The following PRRG2 variants were observed in gnomAD, a reference collection of about 807,000 sequenced individuals.
PRRG2 encodes proline rich and Gla domain 2.
A neutral mutation model predicts 27.1 loss-of-function variants in PRRG2; 23 were observed. The observed-to-expected ratio is 0.85, with a 90% CI of 0.61 to 1.20. PRRG2 has a LOEUF of 1.20. Ranked by LOEUF, PRRG2 falls within the 50% of genes most tolerant of loss-of-function variation. The pLI is 0.00. For synonymous variants in PRRG2, 104 were observed against 103.4 expected, an observed-to-expected ratio of 1.01 and a Z score of -0.03; for missense variants, 276 against 254.8, an observed-to-expected ratio of 1.08 and a Z score of -0.57.
intron 6 of PRRG2, 53 bp from the exon 7 acceptor site, chr19:49,590,315 AGGG>A: frequency 6.2e-7 from 1 of 1,612,874 alleles, no homozygotes; most frequent in Non-Finnish European, 8.5e-7. Flanking sequence ...TCCTGGTTGA[AGGG>A]GGGAGAAAAA....
At chr19:49,590,124 A>G in intron 6 of PRRG2, 72 bp downstream of exon 6, 2 of 1,379,472 alleles carry the variant, frequency 1.4e-6, no homozygotes, top group South Asian at 1.5e-5. Flanking sequence ...ACCTGGGCTC[A>G]GGGGCGGGAC....
intron 5 of PRRG2, among the ~76,000 whole-genome samples, chr19:49,589,220 C>T (rs1349857491): frequency 6.6e-6 from 1 of 150,392 alleles, no homozygotes; most frequent in African/African-American, 2.5e-5. Flanking sequence ...CTCTGCCTCC[C>T]GGGTTCAAGT....
At chr19:49,586,113 A>ATT (rs1023410345) in intron 4 of PRRG2, among the ~76,000 whole-genome samples, 1 of 147,614 alleles carries the variant, frequency 6.8e-6, no homozygotes, top group African/African-American at 2.5e-5. Flanking sequence ...AAATGGGGTC[A>ATT]TTTTGTCACC....
At chr19:49,584,030 C>A in intron 4 of PRRG2, 78 bp downstream of exon 4, 3 of 1,416,050 alleles carry the variant, frequency 2.1e-6, no homozygotes. Context: ...CAACGTCCTC[C>A]ACCCCAAATT....
chr19:49,581,660 T>C (rs1431379362), intron 1 of PRRG2, among the ~76,000 whole-genome samples, 179 bp downstream of exon 1: 3 of 152,174 alleles, frequency 2.0e-5, no homozygotes, highest in African/African-American at 7.2e-5. Context: ...CTCGTAATCT[T>C]TGTTGTCTGT....
At chr19:49,589,427 T>C (rs1018817934) in intron 5 of PRRG2, among the ~76,000 whole-genome samples, 5 of 63,490 alleles carry the variant, frequency 7.9e-5, no homozygotes, top group African/African-American at 3.9e-4. Flanking sequence ...CGCCTGGCCC[T>C]TTTTTTTTTT....
At chr19:49,584,513 G>T in intron 4 of PRRG2, among the ~76,000 whole-genome samples, 1 of 152,136 alleles carries the variant, frequency 6.6e-6, no homozygotes. Context: ...GTGTCACCCA[G>T]GCTGGAGTGC....
intron 4 of PRRG2, among the ~76,000 whole-genome samples, chr19:49,587,479 ATTTTT>A (rs1258876937): frequency 8.7e-6 from 1 of 114,652 alleles, no homozygotes; most frequent in African/African-American, 3.7e-5. Context: ...AGCCTGGTTA[ATTTTT>A]TTTTTTTTTT....
chr19:49,590,157 TGGGGCGGGGCTTGGAGTGCG>T (rs2080706780), intron 6 of PRRG2, 105 bp downstream of exon 6: 11 of 1,281,120 alleles, frequency 8.6e-6, no homozygotes, highest in African/African-American at 1.6e-5. Flanking sequence ...CCTTCTTACC[TGGGGCGGGGCTTGGAGTGCG>T]GGGGCGGGGC....
rs527450705 is a variant in PRRG2, at chr19:49,590,058, G to A, written c.590+6G>A. The A allele has an allele frequency of 2.6e-5, 39 of 1,495,314 alleles. No individual in the cohort carries two copies. Among genetic ancestry groups the A allele is most frequent in the Middle Eastern group, 2.4e-4 (1 of 4,124 alleles). The allele number at this position is 1,495,314 out of a possible 1,614,324, so 92.6% of individuals were successfully genotyped here. A position where few individuals can be genotyped will look rare whatever the true frequency, so the allele number is the denominator to read the frequency against. On this transcript the variant is annotated splice_donor_region_variant and intron_variant, in intron 6 of 6. Transcript: ENST00000246794. ...CCTCCACCCCCCTACACCAGGTATG[G>A]GGCGTGGCTTCTGCCCGGGGGCGGG...
chr19:49,590,259 C>G, intron 6 of PRRG2, 112 bp from the exon 7 acceptor site: 1 of 1,538,214 alleles, frequency 6.5e-7, no homozygotes, highest in South Asian at 1.1e-5. Context: ...GGGCCTGTGC[C>G]CAGAGGGTCC....
chr19:49,588,497 G>A lies in PRRG2; in HGVS notation c.302G>A (p.Gly101Glu). The A allele has an allele frequency of 6.3e-7, 1 of 1,591,454 alleles. No individual in the cohort carries two copies. The change falls in exon 5 of 7, where the codon GGG (glycine) becomes GAG (glutamate). Residue 101 changes from glycine (G) to glutamate (E), a missense_variant and splice_region_variant. Coordinates refer to ENST00000246794, the MANE Select transcript of PRRG2 (RefSeq NM_000951.3). Reference protein sequence around the residue: ...WESYIYNGKGGRGRVDVASLA... With the variant: ...WESYIYNGKGERGRVDVASLA... Reference sequence around the variant, plus strand: ...TCTCCCCTTCCCTACTTTCCTGCAGGGCGTGGACGAGTGGATGTGGCCAGC... The same window carrying A: ...TCTCCCCTTCCCTACTTTCCTGCAGAGCGTGGACGAGTGGATGTGGCCAGC...
In PRRG2 at chr19:49,588,558, T is replaced by C. The variant is rs2080689532; in HGVS notation, c.363T>C (p.Ile121=). ...AVGLTGGILL[I]VLAGLGAFWY... Reference sequence around the variant, plus strand: ...GGCTGACAGGTGGCATCCTGCTCATTGTCCTGGCCGGCCTGGGAGCCTTTT... The same window carrying C: ...GGCTGACAGGTGGCATCCTGCTCATCGTCCTGGCCGGCCTGGGAGCCTTTT... Residue 121 remains isoleucine (I), a synonymous_variant, in exon 5 of 7, where the codon ATT becomes ATC. Coordinates refer to ENST00000246794, the MANE Select transcript of PRRG2 (RefSeq NM_000951.3). 3.2e-6 allele frequency: 5 copies of C among 1,568,584 alleles called. No homozygotes were observed. The highest frequency in any genetic ancestry group is 1.9e-5 in the Admixed American group (1 of 53,120).
rs1213994397 is a variant in PRRG2 at position 49,589,977 on chromosome 19, C to T, written c.515C>T (p.Pro172Leu). 8 of 1,538,124 alleles carry T rather than the reference C, an allele frequency of 5.2e-6. No homozygotes were observed. Among genetic ancestry groups the T allele is most frequent in the South Asian group, 3.6e-5 (3 of 84,116 alleles). The change falls in exon 6 of 7, where the codon CCC becomes CTC. Residue 172 changes from proline to leucine, a missense_variant. Coordinates refer to ENST00000246794, the MANE Select transcript of PRRG2 (RefSeq NM_000951.3). The stretch of plus-strand genomic sequence containing the variant: ...CCCCTGCCTCCACCCCCACCCCCAC[C>T]CCCAGGCCTCCCCACCTATGAGCAG... ...PTPLPPPPPP[P>L]PGLPTYEQAL...
At position 49,589,881 on chromosome 19, in the gene PRRG2, G is replaced by T. The variant is rs1441444359; in HGVS notation, c.438-19G>T. ...ATCCTGTAAGTTGCCTCTGCTAACT[G>T]TACCTTTGCTGTCCCCAGGGCCGGG... On this transcript the variant is annotated intron_variant, in intron 5 of 6. Transcript: ENST00000246794. The T allele has an allele frequency of 3.1e-6, 5 of 1,613,052 alleles. No homozygotes were observed. Among genetic ancestry groups the T allele is most frequent in the Non-Finnish European group, 4.2e-6 (5 of 1,179,688 alleles).
At chr19:49,590,334 A>T (rs369161933) in intron 6 of PRRG2, 37 bp from the exon 7 acceptor site, 1 of 1,614,028 alleles carries the variant, frequency 6.2e-7, no homozygotes, top group East Asian at 2.2e-5. Context: ...AAAAACAGCC[A>T]GATCTTTGAC....
chr19:49,586,665 A>G (rs556002156), intron 4 of PRRG2, among the ~76,000 whole-genome samples: 111 of 152,158 alleles, frequency 7.3e-4, no homozygotes, highest in Non-Finnish European at 1.5e-3. Context: ...ATCCTGGCCA[A>G]CATAGTGAAA....
At chr19:49,581,175 G>A (rs956427590), upstream of PRRG2, among the ~76,000 whole-genome samples, 4 of 152,138 alleles carry the variant, frequency 2.6e-5, no homozygotes, top group Non-Finnish European at 5.9e-5. Context: ...GAGGAGGAGG[G>A]TCGAATCTAA....
chr19:49,588,004 C>G (rs560959297), intron 4 of PRRG2, among the ~76,000 whole-genome samples: 11 of 152,056 alleles, frequency 7.2e-5, no homozygotes, highest in African/African-American at 2.7e-4. Context: ...TCTTGTTGCC[C>G]TGGCTGGAGA....
Sources: gnomAD v4.1 joint callset for allele counts (sites outside exome capture counted in the v4.1 genomes callset) on GRCh38, gnomAD v4.1.1 for gene constraint, MANE v1.5 for transcripts, NCBI Gene and HGNC (gene_info 2026-07-23, HGNC 2026-07-21) for gene names.